Variants in NELL1 observed in about 807,000 individuals in gnomAD.
The protein encoded by NELL1 is protein kinase C-binding protein NELL1.
NELL1 carries 76 observed loss-of-function variants against 107.4 expected under a neutral mutation model. The ratio of observed to expected loss-of-function variants is 0.71; its 90% CI spans 0.59 to 0.86. NELL1 has a LOEUF of 0.86. Ranked by LOEUF, NELL1 falls within the 40% of genes least tolerant of loss-of-function variation. NELL1 has a pLI of 0.00. For missense variants in NELL1, 1,024 were observed against 1,005.5 expected (o/e 1.02, Z -0.25); for synonymous variants, 353 against 341.2 (o/e 1.03, Z -0.38).
At chr11:20,871,697 T>A (rs1299521238) in intron 4 of NELL1, among the ~76,000 whole-genome samples, 2 of 152,086 alleles carry the variant, frequency 1.3e-5, no homozygotes, top group Non-Finnish European at 2.9e-5. Context: ...CCCCTCCCTA[T>A]GCCTCTTACT....
intron 14 of NELL1, among the ~76,000 whole-genome samples, chr11:21,287,233 T>G (rs75590170): frequency 0.012 from 1,866 of 152,268 alleles, 46 homozygotes; most frequent in African/African-American, 0.042. Flanking sequence ...AACCCCTCTT[T>G]TTTTTCACCA....
intron 4 of NELL1, among the ~76,000 whole-genome samples, chr11:20,869,149 G>A (rs1461763920): frequency 1.3e-5 from 2 of 152,260 alleles, no homozygotes; most frequent in East Asian, 3.9e-4. Flanking sequence ...TCATCAAGTA[G>A]TTCATTTATT....
chr11:21,443,814 A>ACTCTACTG (rs2133849352), intron 15 of NELL1, among the ~76,000 whole-genome samples: 1 of 151,452 alleles, frequency 6.6e-6, no homozygotes, highest in African/African-American at 2.4e-5. Context: ...TACACCCTGC[A>ACTCTACTG]CTCTACTGCA....
intron 4 of NELL1, among the ~76,000 whole-genome samples, chr11:20,864,869 C>G (rs372211394): frequency 6.6e-6 from 1 of 152,208 alleles, no homozygotes; most frequent in African/African-American, 2.4e-5. Context: ...TGGATTCCTT[C>G]CCTGTTTACT....
At chr11:20,828,078 G>T (rs553285412) in intron 3 of NELL1, among the ~76,000 whole-genome samples, 1 of 151,236 alleles carries the variant, frequency 6.6e-6, no homozygotes, top group South Asian at 2.1e-4. Flanking sequence ...ATAAACTTGG[G>T]TTTCTATCTT....
intron 13 of NELL1, among the ~76,000 whole-genome samples, chr11:21,208,238 G>A (rs921147646): frequency 3.3e-5 from 5 of 151,722 alleles, no homozygotes; most frequent in East Asian, 1.9e-4. Flanking sequence ...AATAAAAACC[G>A]TCTATTCTTT....
At chr11:20,902,656 G>A (rs1849903077) in intron 5 of NELL1, among the ~76,000 whole-genome samples, 1 of 151,892 alleles carries the variant, frequency 6.6e-6, no homozygotes, top group Non-Finnish European at 1.5e-5. Flanking sequence ...AGGTATATAT[G>A]TATAAGCATC....
chr11:20,976,105 T>G (rs888497368), intron 12 of NELL1, among the ~76,000 whole-genome samples: 2 of 135,248 alleles, frequency 1.5e-5, no homozygotes, highest in Non-Finnish European at 3.1e-5. Flanking sequence ...TATATACACA[T>G]ATCTGTACAT....
intron 13 of NELL1, among the ~76,000 whole-genome samples, chr11:21,120,260 G>C (rs980738331): frequency 5.9e-5 from 9 of 152,110 alleles, no homozygotes; most frequent in African/African-American, 2.2e-4. Flanking sequence ...TTAGTTGTTA[G>C]AAATGTCAGG....
intron 15 of NELL1, among the ~76,000 whole-genome samples, chr11:21,521,694 A>T (rs182397713): frequency 4.5e-4 from 69 of 152,248 alleles, no homozygotes; most frequent in Non-Finnish European, 8.8e-4. Flanking sequence ...AGTGTTTTTC[A>T]TAGAGGCTGT....
Position 21,268,321 on chromosome 11 carries a change from C to A in NELL1, c.1549+38867C>A, listed in dbSNP as rs377667643. Among the ~76,000 whole-genome samples the A allele has an allele frequency of 2.0e-4, 31 of 152,236 alleles. No individual in the cohort carries two copies. In the South Asian group the frequency reaches 6.4e-3, roughly 32 times the overall value. ...CCAGCTTCTAAGAATGAAAAATTCCCCTATGCTTCTGGCAGGAGGAGAAGA... is the reference window on the plus strand; with the variant it reads ...CCAGCTTCTAAGAATGAAAAATTCCACTATGCTTCTGGCAGGAGGAGAAGA... On this transcript the variant is annotated intron_variant, in intron 14 of 19. Transcript: ENST00000357134.
intron 15 of NELL1, among the ~76,000 whole-genome samples, chr11:21,508,084 T>A (rs1855338469): frequency 6.6e-6 from 1 of 152,110 alleles, no homozygotes; most frequent in South Asian, 2.1e-4. Context: ...ACAACTGGCC[T>A]GCAGAAGTTA....
chr11:20,733,089 A>G (rs900449207), intron 2 of NELL1, among the ~76,000 whole-genome samples: 1 of 152,122 alleles, frequency 6.6e-6, no homozygotes, highest in Non-Finnish European at 1.5e-5. Flanking sequence ...AAATAATGTA[A>G]ATCAAAGGGC....
intron 12 of NELL1, among the ~76,000 whole-genome samples, chr11:21,024,952 A>G (rs1455745488): frequency 6.6e-6 from 1 of 152,060 alleles, no homozygotes; most frequent in Non-Finnish European, 1.5e-5. Context: ...TCTCAATCTG[A>G]TTCATTCATT....
chr11:21,164,853 A>C (rs1291930675), intron 13 of NELL1, among the ~76,000 whole-genome samples: 2 of 152,172 alleles, frequency 1.3e-5, no homozygotes, highest in Non-Finnish European at 2.9e-5. Flanking sequence ...AAATACCTAC[A>C]TTTAATTGCC....
chr11:21,409,500 GCAGCA>G (rs1053163278), intron 15 of NELL1, among the ~76,000 whole-genome samples: 1 of 151,770 alleles, frequency 6.6e-6, no homozygotes, highest in Non-Finnish European at 1.5e-5. Context: ...GTTAATGGGT[GCAGCA>G]CACCAGTATG....
intron 2 of NELL1, among the ~76,000 whole-genome samples, chr11:20,713,781 A>G (rs897121421): frequency 2.0e-5 from 3 of 152,138 alleles, no homozygotes; most frequent in Admixed American, 6.5e-5. Flanking sequence ...GGATGCCTAT[A>G]ATTATAATAA....
intron 12 of NELL1, among the ~76,000 whole-genome samples, chr11:21,057,942 C>T (rs1298518759): frequency 1.3e-5 from 2 of 152,046 alleles, no homozygotes; most frequent in Admixed American, 6.6e-5. Flanking sequence ...CTCCTATAGG[C>T]AGAGTTTGTT....
At chr11:21,516,770 C>T (rs1855576070) in intron 15 of NELL1, among the ~76,000 whole-genome samples, 1 of 151,904 alleles carries the variant, frequency 6.6e-6, no homozygotes, top group Non-Finnish European at 1.5e-5. Context: ...CAGACACACA[C>T]ACTCTTCTTT....
Sources: allele counts gnomAD v4.1 joint callset (sites outside exome capture counted in the v4.1 genomes callset), GRCh38; gene constraint gnomAD v4.1.1; transcripts MANE v1.5; gene names NCBI Gene and HGNC (gene_info 2026-07-23, HGNC 2026-07-21).